The following QSER1 variants were observed in gnomAD, a reference collection of about 807,000 sequenced individuals.
QSER1 encodes the protein glutamine and serine-rich protein 1.
A neutral mutation model predicts 158.5 loss-of-function variants in QSER1; 49 were observed. The observed-to-expected ratio is 0.31, with a 90% confidence interval of 0.25 to 0.39. The LOEUF (loss-of-function observed/expected upper bound fraction) is 0.39, where lower values mean the gene tolerates loss of function less well. Ranked by LOEUF, QSER1 falls within the 10% of genes least tolerant of loss-of-function variation. The pLI, the probability that QSER1 is intolerant of heterozygous loss-of-function variation, is 1.00. For missense variants in QSER1, 1,754 were observed against 2,010.3 expected (o/e 0.87, Z 2.44); for synonymous variants, 650 against 715.5 (o/e 0.91, Z 1.46).
At chr11:32,954,624 A>G (rs1240317147) in intron 5 of QSER1, among the ~76,000 whole-genome samples, 1 of 152,240 alleles carries the variant, frequency 6.6e-6, no homozygotes, top group East Asian at 1.9e-4. Context: ...AGAAAGTTGT[A>G]GCTGTGTTTA....
At chr11:32,937,032 G>A (rs981949578) in intron 4 of QSER1, among the ~76,000 whole-genome samples, 3 of 152,100 alleles carry the variant, frequency 2.0e-5, no homozygotes, top group East Asian at 1.9e-4. Flanking sequence ...CTTTGCAATC[G>A]CTATTATATT....
chr11:32,961,190 TAACTG>T (rs1010698317), intron 8 of QSER1, among the ~76,000 whole-genome samples: 1 of 152,132 alleles, frequency 6.6e-6, no homozygotes, highest in Non-Finnish European at 1.5e-5. Context: ...TATCCGTACT[TAACTG>T]AGAAAGCAAT....
intron 1 of QSER1, among the ~76,000 whole-genome samples, chr11:32,913,458 G>A (rs1302950022): frequency 6.6e-6 from 1 of 151,980 alleles, no homozygotes; most frequent in Admixed American, 6.5e-5. Flanking sequence ...CTCCCAAAGT[G>A]CTGGGATTAC....
chr11:32,969,109 T>C lies in QSER1; in HGVS notation c.5171T>C (p.Leu1724Pro). 6.3e-7 allele frequency: 1 copy of C among 1,596,988 alleles called. No homozygotes were observed. Among genetic ancestry groups the C allele is most frequent in the Non-Finnish European group, 8.5e-7 (1 of 1,172,458 alleles). Residue 1724 changes from leucine (L) to proline (P), a missense_variant, in exon 10 of 13, where the codon CTT (leucine) becomes CCT (proline). Leu to Pro is a moderately conservative substitution (Grantham distance 98). Coordinates refer to ENST00000650167, the MANE Select transcript of QSER1 (RefSeq NM_001076786.3). ...DGMLNDNRKR[L>P]LLNLHLDQSF... ...ATGCTAAATGATAACCGAAAGAGAC[T>C]TCTTTTGAATCTTCATTTGGATCAA...
At chr11:32,894,734 C>G (rs1464214008) in intron 1 of QSER1, among the ~76,000 whole-genome samples, 2 of 152,122 alleles carry the variant, frequency 1.3e-5, no homozygotes, top group Non-Finnish European at 1.5e-5. Context: ...TGGGAGTTAA[C>G]AAAAATAATG....
intron 4 of QSER1, among the ~76,000 whole-genome samples, chr11:32,941,557 G>A (rs190105525): frequency 0.038 from 5,704 of 151,938 alleles, 368 homozygotes; most frequent in African/African-American, 0.13. Flanking sequence ...CAAAGGACAC[G>A]AACTCATCAT....
chr11:32,960,723 A>G (rs1852608487), intron 8 of QSER1, among the ~76,000 whole-genome samples: 1 of 152,216 alleles, frequency 6.6e-6, no homozygotes, highest in Non-Finnish European at 1.5e-5. Flanking sequence ...AGTTTCTTCA[A>G]ATGACAAGGT....
chr11:32,968,933 A>C, intron 9 of QSER1, 113 bp from the exon 10 acceptor site: 1 of 599,452 alleles, frequency 1.7e-6, no homozygotes, highest in Non-Finnish European at 2.8e-6. Context: ...AGTATTTTAC[A>C]TATGCCAATG....
chr11:32,940,993 A>T (rs1450854386), intron 4 of QSER1, among the ~76,000 whole-genome samples: 2 of 151,438 alleles, frequency 1.3e-5, no homozygotes, highest in African/African-American at 4.8e-5. Context: ...CTTGAGTTTA[A>T]TACTTAGTTT....
intron 4 of QSER1, among the ~76,000 whole-genome samples, chr11:32,938,056 A>C (rs1852178715): frequency 6.6e-6 from 1 of 152,212 alleles, no homozygotes; most frequent in Non-Finnish European, 1.5e-5. Context: ...ATTTCATTAG[A>C]AAGTGAGTTC....
Position 32,899,064 on chromosome 11 carries a change from T to C in QSER1, c.209+5730T>C, listed in dbSNP as rs368843528. Among the ~76,000 whole-genome samples, 39 of 152,346 alleles carry C rather than the reference T, an allele frequency of 2.6e-4. 1 individual carries two copies. The South Asian group carries it at 8.1e-3, about 32-fold the overall frequency. ...AATGGTATATGTTTTCACAGAATATTTTATTTTACTTTCATATTCTTAGAA... is the reference window on the plus strand; with the variant it reads ...AATGGTATATGTTTTCACAGAATATCTTATTTTACTTTCATATTCTTAGAA... On this transcript the variant is annotated intron_variant, in intron 1 of 12. Coordinates refer to ENST00000650167, the MANE Select transcript of QSER1 (RefSeq NM_001076786.3).
intron 1 of QSER1, among the ~76,000 whole-genome samples, chr11:32,918,913 T>C (rs919728726): frequency 1.3e-5 from 2 of 152,172 alleles, no homozygotes; most frequent in African/African-American, 2.4e-5. Flanking sequence ...GGAACTGTTT[T>C]AGATTTACAG....
At position 32,977,261 on chromosome 11, in the gene QSER1, T is replaced by C. The variant is rs1233789526; in HGVS notation, c.*787T>C. On this transcript the variant is annotated 3_prime_UTR_variant, in exon 13 of 13. Transcript: ENST00000650167. ...TGTGGTTATAATTACGTTTGATATA[T>C]CTCTACAACACCTTTTGTTATTTTC... 2 of 152,648 alleles carry C rather than the reference T, an allele frequency of 1.3e-5. No individual in the cohort carries two copies. The highest frequency in any genetic ancestry group is 6.5e-5 in the Admixed American group (1 of 15,286). The allele number at this position is 152,648 out of a possible 1,614,324, so 9.5% of individuals were successfully genotyped here. A position where few individuals can be genotyped will look rare whatever the true frequency, so the allele number is the denominator to read the frequency against.
intron 9 of QSER1, 37 bp downstream of exon 9, chr11:32,966,474 T>C (rs538315277): frequency 1.3e-6 from 2 of 1,573,556 alleles, no homozygotes; most frequent in African/African-American, 2.7e-5. Flanking sequence ...TGGTAGTACT[T>C]CCTGGAATTA....
At chr11:32,972,627 G>C (rs1383761030) in intron 10 of QSER1, among the ~76,000 whole-genome samples, 1 of 151,964 alleles carries the variant, frequency 6.6e-6, no homozygotes, top group Non-Finnish European at 1.5e-5. Context: ...GTAGAGACAA[G>C]GTTTTGCCAT....
intron 4 of QSER1, among the ~76,000 whole-genome samples, chr11:32,945,408 A>T (rs1852313321): frequency 6.6e-6 from 1 of 150,618 alleles, no homozygotes; most frequent in Non-Finnish European, 1.5e-5. Context: ...CGCTTCCTTC[A>T]GGAGCTCTTT....
chr11:32,969,235 C>G (rs1346473436), intron 10 of QSER1, 92 bp downstream of exon 10: 4 of 795,110 alleles, frequency 5.0e-6, no homozygotes, highest in Non-Finnish European at 8.1e-6. Context: ...TATTCACTTA[C>G]AACATTTTTC....
At chr11:32,911,788 CTCTTT>C (rs1851770273) in intron 1 of QSER1, among the ~76,000 whole-genome samples, 1 of 152,158 alleles carries the variant, frequency 6.6e-6, no homozygotes, top group African/African-American at 2.4e-5. Context: ...TCGATTAAAC[CTCTTT>C]TCTTTTTAAG....
intron 10 of QSER1, among the ~76,000 whole-genome samples, chr11:32,969,671 T>C (rs1852815241): frequency 6.6e-6 from 1 of 151,164 alleles, no homozygotes; most frequent in African/African-American, 2.4e-5. Context: ...TTTCTAGCTT[T>C]TTTTCTTTTC....
Sources: allele counts gnomAD v4.1 joint callset (sites outside exome capture counted in the v4.1 genomes callset), GRCh38; gene constraint gnomAD v4.1.1; transcripts MANE v1.5; gene names NCBI Gene and HGNC (gene_info 2026-07-23, HGNC 2026-07-21).